The following ADGRL1 variants were observed in gnomAD, a reference collection of about 807,000 sequenced individuals.
ADGRL1 encodes CIRL-1.
Under a neutral mutation model 148.9 loss-of-function variants are expected in ADGRL1, and 31 were observed. The ratio of observed to expected loss-of-function variants is 0.21; its 90% CI spans 0.16 to 0.28. The LOEUF (loss-of-function observed/expected upper bound fraction) is 0.28. Among genes scored for constraint, ADGRL1 ranks in the 10% least tolerant of loss-of-function variants. The pLI is 1.00. For missense variants in ADGRL1, 1,521 were observed against 2,058.8 expected (o/e 0.74, Z 5.05); for synonymous variants, 937 against 900.3 (o/e 1.04, Z -0.73).
chr19:14,150,924 C>T lies in ADGRL1; in HGVS notation c.4359G>A (p.Glu1453=), dbSNP rs1315878214. 5 of 1,611,884 alleles carry T rather than the reference C, an allele frequency of 3.1e-6. No individual in the cohort carries two copies. Among genetic ancestry groups the T allele is most frequent in the Middle Eastern group, 1.7e-4 (1 of 5,860 alleles). The change falls in exon 23 of 23, where the codon GAG becomes GAA. Residue 1453 remains glutamate (E), a synonymous_variant. Transcript: ENST00000361434. ...HEGYLAAPGL[E]GPGPDGDGQM... is the part of the protein sequence containing the mutation. ...GCCCGTCCCCATCGGGCCCTGGCCC[C>T]TCAAGGCCTGGGGCTGCCAGGTAGC... is the stretch of plus-strand genomic sequence containing the variant.
rs770599342 is a variant in ADGRL1, at chr19:14,160,150, G to A, written c.1762C>T (p.Pro588Ser). ...TTGCCGGCTGACTCGCGCTCGATGG[G>A]CCGCAGGGCCTGCAGCTGGGCATCC... ...ILDAQLQALR[P>S]IERESAGKNY... The change falls in exon 8 of 23, where the codon CCC becomes TCC. Residue 588 changes from proline to serine, a missense_variant. Around this residue, in one of 8 missense-constraint regions of ADGRL1, gnomAD observed 265 missense variants for 431.9 expected, o/e 0.61. Transcript: ENST00000361434. This position sits in a 1 kb window ranked among gnomAD's most constrained non-coding sequence, Gnocchi z 5.9. The A allele has an allele frequency of 2.5e-6, 4 of 1,594,104 alleles. No homozygotes were observed. The highest frequency in any genetic ancestry group is 3.4e-6 in the Non-Finnish European group (4 of 1,163,886).
At chr19:14,196,691 G>A (rs888756321) in intron 1 of ADGRL1, among the ~76,000 whole-genome samples, 20 of 152,036 alleles carry the variant, frequency 1.3e-4, no homozygotes, top group South Asian at 8.3e-4. Context: ...GCCTCTTCAC[G>A]GGCTGTTTCT....
chr19:14,172,224 C>T (rs1392734836), intron 3 of ADGRL1, among the ~76,000 whole-genome samples: 1 of 151,812 alleles, frequency 6.6e-6, no homozygotes, highest in African/African-American at 2.4e-5. Flanking sequence ...AAGTTTGAAA[C>T]CAGCCTGACC....
rs781735623 is a variant in ADGRL1, at chr19:14,151,328, C to T, written c.3955G>A (p.Gly1319Arg). ...PGGGGEEEAG[G>R]PGGADRAEIE... ...TCGGCCCGGTCAGCACCCCCGGGCCCGCCCGCCTCTTCCTCGCCCCCGCCC... is the reference window on the plus strand; with the variant it reads ...TCGGCCCGGTCAGCACCCCCGGGCCTGCCCGCCTCTTCCTCGCCCCCGCCC... Residue 1319 changes from glycine (G) to arginine (R), a missense_variant, in exon 23 of 23, where the codon GGG becomes AGG. Around this residue, in one of 8 missense-constraint regions of ADGRL1, gnomAD observed 390 missense variants for 375.0 expected, o/e 1.04. Coordinates refer to ENST00000361434, the MANE Select transcript of ADGRL1 (RefSeq NM_014921.5). 9.4e-6 allele frequency: 15 copies of T among 1,593,302 alleles called. No homozygotes were observed. The African/African-American group carries it at 9.4e-5, about 10-fold the overall frequency.
chr19:14,184,969 G>C (rs1971493366), intron 1 of ADGRL1, among the ~76,000 whole-genome samples: 1 of 152,140 alleles, frequency 6.6e-6, no homozygotes, highest in African/African-American at 2.4e-5. Context: ...TTGCTGCAGA[G>C]AGGAGGTCTT....
chr19:14,150,840 C>A lies in ADGRL1; in HGVS notation c.*33G>T. On this transcript the variant is annotated 3_prime_UTR_variant, in exon 23 of 23. Coordinates refer to ENST00000361434, the MANE Select transcript of ADGRL1 (RefSeq NM_014921.5). ...CCCTGCCCAGGGTTCCCTCCCTGGC[C>A]TGGGCCACCAGCCCCTGGTCCATGA... is the stretch of plus-strand genomic sequence containing the variant. 6 of 1,600,706 alleles carry A rather than the reference C, an allele frequency of 3.7e-6. No homozygotes were observed. Among genetic ancestry groups the A allele is most frequent in the Non-Finnish European group, 5.1e-6 (6 of 1,174,798 alleles).
chr19:14,166,577 AG>A (rs2033527251), intron 4 of ADGRL1, among the ~76,000 whole-genome samples: 1 of 148,830 alleles, frequency 6.7e-6, no homozygotes, highest in Non-Finnish European at 1.5e-5. Flanking sequence ...AGAGAGAGAG[AG>A]AGAAAGAGAG....
In ADGRL1 at chr19:14,155,624, G is replaced by T; in HGVS notation, c.3126-97C>A. 1 of 1,303,248 alleles carries T rather than the reference G, an allele frequency of 7.7e-7. No individual in the cohort carries two copies. The highest frequency in any genetic ancestry group is 1.1e-6 in the Non-Finnish European group (1 of 938,934). 80.7% of individuals were successfully genotyped at this position (1,303,248 alleles called of 1,614,324 possible). A position where few individuals can be genotyped will look rare whatever the true frequency, so the allele number is the denominator to read the frequency against. On this transcript the variant is annotated intron_variant, in intron 17 of 22. Coordinates refer to ENST00000361434, the MANE Select transcript of ADGRL1 (RefSeq NM_014921.5). The surrounding 1 kb of genome is among the most constrained non-coding windows in gnomAD (Gnocchi z 5.0). ...GCCTACAACGGGGGCCCTTGGGTGG[G>T]CCTGGGCACTGTCTGCAAAGCCCTG...
chr19:14,162,791 T>C lies in ADGRL1; in HGVS notation c.1010A>G (p.Asn337Ser), dbSNP rs1358907385. Reference protein sequence around the residue: ...YVDDDSEAAGNRVDYAFNTNA... With the variant: ...YVDDDSEAAGSRVDYAFNTNA... ...GGTGTTGAAGGCATAGTCCACGCGG[T>C]TGCCAGCCGCCTCGCTGTCATCATC... Residue 337 changes from asparagine (N) to serine (S), a missense_variant, in exon 5 of 23, where the codon AAC becomes AGC. By Grantham distance (46) the Asn-to-Ser change is conservative. Around this residue, in one of 8 missense-constraint regions of ADGRL1, gnomAD observed 334 missense variants for 512.5 expected, o/e 0.65. Transcript: ENST00000361434. This position sits in a 1 kb window ranked among gnomAD's most constrained non-coding sequence, Gnocchi z 5.4. 2 of 1,614,054 alleles carry C rather than the reference T, an allele frequency of 1.2e-6. No individual in the cohort carries two copies. Among genetic ancestry groups the C allele is most frequent in the Non-Finnish European group, 1.7e-6 (2 of 1,180,040 alleles).
chr19:14,169,327 C>T (rs1970272248), intron 4 of ADGRL1: 1 of 152,266 alleles, frequency 6.6e-6, no homozygotes, highest in African/African-American at 2.4e-5. Flanking sequence ...AAATCATTTG[C>T]TCAAGGTTTC....
chr19:14,156,751 A>G (rs1236248416), intron 15 of ADGRL1, 27 bp from the exon 16 acceptor site: 6 of 1,597,250 alleles, frequency 3.8e-6, no homozygotes, highest in Admixed American at 3.4e-5. Context: ...GCCGGGGTAT[A>G]GAGAGAAGCC....
chr19:14,186,042 C>T (rs979152516), intron 1 of ADGRL1, among the ~76,000 whole-genome samples: 2 of 152,100 alleles, frequency 1.3e-5, no homozygotes, highest in South Asian at 2.1e-4. Context: ...TCATGGTGGC[C>T]GTATCCCCAA....
Position 14,187,113 on chromosome 19 carries a change from G to T in ADGRL1, c.-95-3416C>A, listed in dbSNP as rs1369133038. ...AGCACTTTGGGAAGCCGAGGCGGGT[G>T]GATCACCAGAGGTGGGAGTTCGAGA... On this transcript the variant is annotated intron_variant, in intron 1 of 22. Coordinates refer to ENST00000361434, the MANE Select transcript of ADGRL1 (RefSeq NM_014921.5). Among the ~76,000 whole-genome samples the T allele has an allele frequency of 3.3e-5, 5 of 152,346 alleles. No individual in the cohort carries two copies. The East Asian group carries it at 9.6e-4, about 29-fold the overall frequency.
chr19:14,158,589 C>T (rs1354042765), intron 11 of ADGRL1, 37 bp from the exon 12 acceptor site: 22 of 1,549,150 alleles, frequency 1.4e-5, no homozygotes, highest in Non-Finnish European at 2.0e-5. Context: ...TGTCAGCATC[C>T]TCAGCTGGCG....
chr19:14,200,694 C>T lies in ADGRL1; in HGVS notation c.-96+5291G>A, dbSNP rs549503414. ...GTGGCGCGATCACAGCTCACTGCAG[C>T]CTTGACCTCCCAGCTCAAGTGATCC... On this transcript the variant is annotated intron_variant, in intron 1 of 22. Transcript: ENST00000361434. Among the ~76,000 whole-genome samples, 311 of 152,322 alleles carry T rather than the reference C, an allele frequency of 2.0e-3. 1 individual carries two copies. Among genetic ancestry groups the T allele is most frequent in the African/African-American group, 7.1e-3 (297 of 41,568 alleles).
In ADGRL1 at chr19:14,147,984, A is replaced by G. The variant is rs953262524; in HGVS notation, c.*2889T>C. 1 of 152,604 alleles carries G rather than the reference A, an allele frequency of 6.6e-6. No homozygotes were observed. Among genetic ancestry groups the G allele is most frequent in the Admixed American group, 6.5e-5 (1 of 15,268 alleles). 9.5% of individuals were successfully genotyped at this position (152,604 alleles called of 1,614,324 possible). On this transcript the variant is annotated 3_prime_UTR_variant, in exon 23 of 23. Transcript: ENST00000361434. ...AAGTTGAGGATAAGAGAAGAGGAAC[A>G]TAGAGACAGCCAGAAAGACATGGGG...
At position 14,160,566 on chromosome 19, in the gene ADGRL1, C is replaced by G; in HGVS notation, c.1614+27G>C. On this transcript the variant is annotated intron_variant, in intron 7 of 22. Coordinates refer to ENST00000361434, the MANE Select transcript of ADGRL1 (RefSeq NM_014921.5). This position sits in a 1 kb window ranked among gnomAD's most constrained non-coding sequence, Gnocchi z 5.9. ...GGGCCCTGGGCCCGAGCACATGTGCCTGCCTGCGAGGGGTGGTGGCTGGTA... is the reference window on the plus strand; with the variant it reads ...GGGCCCTGGGCCCGAGCACATGTGCGTGCCTGCGAGGGGTGGTGGCTGGTA... The G allele has an allele frequency of 1.3e-6, 2 of 1,527,956 alleles. No homozygotes were observed. Among genetic ancestry groups the G allele is most frequent in the Non-Finnish European group, 8.9e-7 (1 of 1,122,470 alleles). The allele number at this position is 1,527,956 out of a possible 1,614,324, so 94.6% of individuals were successfully genotyped here.
At position 14,151,054 on chromosome 19, in the gene ADGRL1, G is replaced by GT; in HGVS notation, c.4228_4229insA (p.Ala1410AspfsTer33). Reference sequence around the variant, plus strand: ...GTAGATTTCGGGGGGGCCGGGGGGTGCGGGAGGGGGTGGGGGCAGGGCCTC... The same window carrying GT: ...GTAGATTTCGGGGGGGCCGGGGGGTGTCGGGAGGGGGTGGGGGCAGGGCCTC... On this transcript the variant is annotated frameshift_variant, in exon 23 of 23. Transcript: ENST00000361434. LOFTEE classifies it high-confidence loss of function. 6.7e-7 allele frequency: 1 copy of GT among 1,490,216 alleles called. No individual in the cohort carries two copies. The highest frequency in any genetic ancestry group is 9.0e-7 in the Non-Finnish European group (1 of 1,116,726). The allele number at this position is 1,490,216 out of a possible 1,614,324, so 92.3% of individuals were successfully genotyped here.
intron 4 of ADGRL1, among the ~76,000 whole-genome samples, chr19:14,168,358 C>T (rs556873847): frequency 5.3e-5 from 8 of 152,322 alleles, no homozygotes; most frequent in African/African-American, 1.9e-4. Context: ...GCTTTAACTC[C>T]AGCCTCCTTC....
Sources: gnomAD v4.1 joint callset for allele counts (sites outside exome capture counted in the v4.1 genomes callset) on GRCh38, gnomAD v4.1.1 for gene constraint, gnomAD v4.1.1 regional missense constraint, Gnocchi (gnomAD v3.1) non-coding constraint, MANE v1.5 for transcripts, NCBI Gene and HGNC (gene_info 2026-07-23, HGNC 2026-07-21) for gene names.